TOP6BL: variants seen among roughly 807,000 people sequenced by gnomAD.
TOP6BL encodes the protein TOP6B like initiator of meiotic double strand breaks.
chr11:66,775,425 G>C, the TOP6BL span, among the ~76,000 whole-genome samples: 2 of 152,148 alleles, frequency 1.3e-5, no homozygotes, highest in Non-Finnish European at 2.9e-5. Flanking sequence ...AATATTGCCT[G>C]CTCTTCTCCT....
the TOP6BL span, chr11:66,821,828 G>A: frequency 6.4e-7 from 1 of 1,574,230 alleles, no homozygotes. Flanking sequence ...AGCATATATG[G>A]CAGGCAGGGC....
At chr11:66,756,300 T>C in the TOP6BL span, 24 of 1,138,502 alleles carry the variant, frequency 2.1e-5, no homozygotes, top group Admixed American at 1.5e-4. Context: ...ACATACTGTT[T>C]GGGAAATGCT....
the TOP6BL span, chr11:66,796,295 C>T: frequency 3.7e-6 from 6 of 1,609,658 alleles, no homozygotes; most frequent in Non-Finnish European, 5.1e-6. Context: ...ATGAAAAGCC[C>T]AGAACCTTGA....
At chr11:66,818,808 G>A in the TOP6BL span, among the ~76,000 whole-genome samples, 1 of 152,076 alleles carries the variant, frequency 6.6e-6, no homozygotes, top group African/African-American at 2.4e-5. Flanking sequence ...CATGTTCTGA[G>A]CCCTAAAGAA....
chr11:66,770,522 A>G, the TOP6BL span, among the ~76,000 whole-genome samples: 3 of 152,008 alleles, frequency 2.0e-5, no homozygotes, highest in Non-Finnish European at 4.4e-5. Context: ...TGGCCAACAT[A>G]GTGAACCCTC....
At chr11:66,769,806 T>C in the TOP6BL span, among the ~76,000 whole-genome samples, 1 of 151,916 alleles carries the variant, frequency 6.6e-6, no homozygotes. Flanking sequence ...AGTGGTGCAA[T>C]CTTGGCTCAC....
chr11:66,804,798 G>A, the TOP6BL span, among the ~76,000 whole-genome samples: 8 of 152,064 alleles, frequency 5.3e-5, no homozygotes, highest in African/African-American at 1.2e-4. Context: ...TAGGCCGGGC[G>A]TGGTGGCTCA....
At chr11:66,792,097 G>C in the TOP6BL span, among the ~76,000 whole-genome samples, 1 of 152,054 alleles carries the variant, frequency 6.6e-6, no homozygotes, top group African/African-American at 2.4e-5. Context: ...GGCGTGAGCC[G>C]CCGCACCCAG....
chr11:66,748,514 A>G, the TOP6BL span: 8 of 1,534,092 alleles, frequency 5.2e-6, no homozygotes, highest in Non-Finnish European at 7.0e-6. Context: ...TTGTGTAACA[A>G]CTAGTAAGTA....
chr11:66,746,714 CA>C, the TOP6BL span, among the ~76,000 whole-genome samples: 94 of 142,932 alleles, frequency 6.6e-4, no homozygotes, highest in Non-Finnish European at 7.1e-4. Context: ...AACTCCATCT[CA>C]AAAAAAAAAA....
the TOP6BL span, among the ~76,000 whole-genome samples, chr11:66,755,541 A>C: frequency 6.6e-6 from 1 of 152,208 alleles, no homozygotes; most frequent in African/African-American, 2.4e-5. Flanking sequence ...AATGAAAATA[A>C]ACGTGTGTGT....
the TOP6BL span, chr11:66,838,501 G>T: frequency 5.9e-6 from 9 of 1,515,112 alleles, 1 homozygote; most frequent in Admixed American, 1.8e-5. Context: ...AGTAAAAAAC[G>T]TGAGTTCAAA....
the TOP6BL span, among the ~76,000 whole-genome samples, chr11:66,810,079 A>G: frequency 6.6e-6 from 1 of 152,158 alleles, no homozygotes; most frequent in South Asian, 2.1e-4. Flanking sequence ...CACATTATGT[A>G]TAGAGGAACA....
the TOP6BL span, among the ~76,000 whole-genome samples, chr11:66,808,600 CTG>C: frequency 1.3e-4 from 19 of 150,996 alleles, no homozygotes; most frequent in Non-Finnish European, 1.9e-4. Flanking sequence ...TACTAGAAAA[CTG>C]AAACTGTAAA....
chr11:66,762,159 G>A, the TOP6BL span: 1 of 825,924 alleles, frequency 1.2e-6, no homozygotes, highest in South Asian at 1.4e-5. Context: ...TCATCACTCA[G>A]GAAATCAATC....
the TOP6BL span, among the ~76,000 whole-genome samples, chr11:66,745,346 G>A: frequency 6.6e-6 from 1 of 151,638 alleles, no homozygotes; most frequent in Non-Finnish European, 1.5e-5. Flanking sequence ...ACAGAGGCAA[G>A]GAGGGACCCA....
the TOP6BL span, among the ~76,000 whole-genome samples, chr11:66,780,727 A>C: frequency 6.6e-6 from 1 of 152,006 alleles, no homozygotes; most frequent in African/African-American, 2.4e-5. Flanking sequence ...GATTACAGAC[A>C]TGTGCCACCA....
the TOP6BL span, among the ~76,000 whole-genome samples, chr11:66,815,021 A>G: frequency 6.6e-6 from 1 of 152,224 alleles, no homozygotes; most frequent in African/African-American, 2.4e-5. Context: ...TTTAGAAGGT[A>G]GTCTGGTCGT....
At chr11:66,774,982 G>A in the TOP6BL span, among the ~76,000 whole-genome samples, 1 of 151,228 alleles carries the variant, frequency 6.6e-6, no homozygotes, top group Non-Finnish European at 1.5e-5. Flanking sequence ...GCATGGTGGC[G>A]GGCGCCTGTA....
Sources: allele counts gnomAD v4.1 joint callset (sites outside exome capture counted in the v4.1 genomes callset), GRCh38; gene constraint gnomAD v4.1.1; transcripts MANE v1.5; gene names NCBI Gene and HGNC (gene_info 2026-07-23, HGNC 2026-07-21).